HEPACAM2: variants seen among roughly 807,000 people sequenced by gnomAD.
The protein encoded by HEPACAM2 is HEPACAM family member 2.
HEPACAM2 carries 49 observed loss-of-function variants against 49.6 expected under a neutral mutation model. That is an observed-to-expected ratio of 0.99 (90% CI 0.78 to 1.25). The LOEUF (loss-of-function observed/expected upper bound fraction) is 1.25, where lower values mean the gene tolerates loss of function less well. Among genes scored for constraint, HEPACAM2 ranks in the 50% most tolerant of loss-of-function variants. HEPACAM2 has a pLI of 0.00. For synonymous variants in HEPACAM2, 197 were observed against 202.9 expected (o/e 0.97, Z 0.25); for missense variants, 525 against 557.2 (o/e 0.94, Z 0.58).
chr7:93,210,195 T>C lies in HEPACAM2; in HGVS notation c.716-1319A>G, dbSNP rs1193434843. ...AAATCTTTGAGTTTTAGTGCTTATG[T>C]TCACCTTTCAGCTGATCATTACCAA... On this transcript the variant is annotated intron_variant, in intron 3 of 9. Coordinates refer to ENST00000394468, the MANE Select transcript of HEPACAM2 (RefSeq NM_001039372.4). Among the ~76,000 whole-genome samples the C allele has an allele frequency of 2.6e-5, 4 of 152,010 alleles. No homozygotes were observed. The East Asian group carries it at 7.7e-4, about 29-fold the overall frequency.
At chr7:93,197,197 C>A in intron 7 of HEPACAM2, 44 bp downstream of exon 7, 7 of 1,423,226 alleles carry the variant, frequency 4.9e-6, no homozygotes, top group Non-Finnish European at 6.7e-6. Context: ...AACTAATTAA[C>A]ATACATTAAA....
chr7:93,211,962 A>G (rs1374705693), intron 3 of HEPACAM2, among the ~76,000 whole-genome samples: 3 of 152,066 alleles, frequency 2.0e-5, no homozygotes, highest in Non-Finnish European at 4.4e-5. Context: ...GTAATTTAAT[A>G]CACATAAAAA....
At chr7:93,207,341 C>T (rs986019409) in intron 4 of HEPACAM2, among the ~76,000 whole-genome samples, 1 of 152,006 alleles carries the variant, frequency 6.6e-6, no homozygotes, top group African/African-American at 2.4e-5. Context: ...CAAACCTGCT[C>T]CCAGATTTTG....
Position 93,215,590 on chromosome 7 carries a change from T to C in HEPACAM2, c.526A>G (p.Thr176Ala). 1 of 1,613,742 alleles carries C rather than the reference T, an allele frequency of 6.2e-7. No homozygotes were observed. Among genetic ancestry groups the C allele is most frequent in the Non-Finnish European group, 8.5e-7 (1 of 1,179,840 alleles). Residue 176 changes from threonine (T) to alanine (A), a missense_variant, in exon 3 of 10, where the codon ACT becomes GCT. Thr to Ala is a moderately conservative substitution (Grantham distance 58). Coordinates refer to ENST00000394468, the MANE Select transcript of HEPACAM2 (RefSeq NM_001039372.4). The stretch of plus-strand genomic sequence containing the variant: ...TTTAGCCATTGGTAAGCTAGCCGAG[T>C]GCCCCCTTCCACATGGCATGTCAGG... ...MTLTCHVEGG[T>A]RLAYQWLKNG...
At chr7:93,215,742 C>T (rs1298292381) in intron 2 of HEPACAM2, 57 bp from the exon 3 acceptor site, 25 of 1,530,952 alleles carry the variant, frequency 1.6e-5, no homozygotes, top group Non-Finnish European at 2.1e-5. Flanking sequence ...TATAATAAAA[C>T]CCTATGAGGT....
intron 4 of HEPACAM2, among the ~76,000 whole-genome samples, chr7:93,198,122 AAAATT>A (rs1318095123): frequency 6.6e-6 from 1 of 152,166 alleles, no homozygotes; most frequent in African/African-American, 2.4e-5. Context: ...AATGATGAAA[AAAATT>A]AAAAAGAAAA....
At chr7:93,191,157 GTAA>G (rs1414329087) in intron 9 of HEPACAM2, among the ~76,000 whole-genome samples, 2 of 151,880 alleles carry the variant, frequency 1.3e-5, no homozygotes, top group African/African-American at 4.8e-5. Flanking sequence ...AAAATATCAT[GTAA>G]TAATATCCTA....
chr7:93,192,317 T>C lies in HEPACAM2; in HGVS notation c.1322A>G (p.Asp441Gly), dbSNP rs574082166. 6.2e-7 allele frequency: 1 copy of C among 1,612,878 alleles called. No homozygotes were observed. Among genetic ancestry groups the C allele is most frequent in the African/African-American group, 1.3e-5 (1 of 74,948 alleles). ...AACTTCATACACTGTACTGTGCAAA[T>C]CTTGCCCCGATACACAATCAGAGGC... ...VPASDCVSGQ[D>G]LHSTVYEVIQ... The change falls in exon 9 of 10, where the codon GAT (aspartate) becomes GGT (glycine). Residue 441 changes from aspartate to glycine, a missense_variant. Coordinates refer to ENST00000394468, the MANE Select transcript of HEPACAM2 (RefSeq NM_001039372.4).
chr7:93,226,511 A>G (rs1794545594), upstream of HEPACAM2: 12 of 1,218,448 alleles, frequency 9.8e-6, no homozygotes, highest in African/African-American at 3.0e-5. Context: ...TGCTAGGGAA[A>G]TTAGCAGTGA....
chr7:93,228,094 T>C (rs1339220854), upstream of HEPACAM2, among the ~76,000 whole-genome samples: 8 of 152,224 alleles, frequency 5.3e-5, no homozygotes, highest in Non-Finnish European at 1.2e-4. Context: ...CAATTGCCGT[T>C]ATCAAATTAG....
upstream of HEPACAM2, among the ~76,000 whole-genome samples, chr7:93,231,174 T>C (rs1794620099): frequency 6.6e-6 from 1 of 152,214 alleles, no homozygotes; most frequent in Non-Finnish European, 1.5e-5. Context: ...CTACCACCCA[T>C]ACTATTGTTT....
At chr7:93,193,589 A>G (rs1479162525) in intron 8 of HEPACAM2, among the ~76,000 whole-genome samples, 1 of 152,094 alleles carries the variant, frequency 6.6e-6, no homozygotes, top group Admixed American at 6.6e-5. Flanking sequence ...ATACCACACA[A>G]TATGCCAAGA....
intron 9 of HEPACAM2, among the ~76,000 whole-genome samples, chr7:93,191,422 C>A (rs1793542679): frequency 6.6e-6 from 1 of 152,036 alleles, no homozygotes; most frequent in Non-Finnish European, 1.5e-5. Context: ...TTGGTATTTA[C>A]CCAGAAGTGT....
At chr7:93,218,130 G>A (rs1042125923) in intron 2 of HEPACAM2, among the ~76,000 whole-genome samples, 1 of 152,098 alleles carries the variant, frequency 6.6e-6, no homozygotes, top group African/African-American at 2.4e-5. Flanking sequence ...GGCCAGAACC[G>A]AGTGAGTGAG....
rs1793763641 is a variant in HEPACAM2, at chr7:93,197,526, A to C, written c.1097T>G (p.Met366Arg). ...TGISLFLIIS[M>R]CLLFLWKKYQ... The stretch of plus-strand genomic sequence containing the variant: ...TTTTTTCCATAGGAAGAGAAGACAC[A>C]TGGATATAATCAAAAATAGTGATAT... The change falls in exon 5 of 10, where the codon ATG becomes AGG. Residue 366 changes from methionine to arginine, a missense_variant. Met to Arg is a moderately conservative substitution (Grantham distance 91, BLOSUM62 -1). Transcript: ENST00000394468. The C allele has an allele frequency of 6.3e-7, 1 of 1,596,650 alleles. No individual in the cohort carries two copies. Among genetic ancestry groups the C allele is most frequent in the Non-Finnish European group, 8.6e-7 (1 of 1,167,232 alleles).
chr7:93,222,330 A>C (rs1279826004), intron 1 of HEPACAM2, among the ~76,000 whole-genome samples: 2 of 152,112 alleles, frequency 1.3e-5, no homozygotes, highest in Non-Finnish European at 2.9e-5. Flanking sequence ...TAGGCTTAGT[A>C]CCTGTTATTA....
upstream of HEPACAM2, among the ~76,000 whole-genome samples, chr7:93,230,763 C>T (rs542393678): frequency 6.6e-6 from 1 of 152,222 alleles, no homozygotes; most frequent in South Asian, 2.1e-4. Flanking sequence ...TAGACTTGCC[C>T]TAAATGTGAC....
rs549868937 is a variant in HEPACAM2, at chr7:93,200,220, G to T, written c.1013-2610C>A. On this transcript the variant is annotated intron_variant, in intron 4 of 9. Coordinates refer to ENST00000394468, the MANE Select transcript of HEPACAM2 (RefSeq NM_001039372.4). Reference sequence around the variant, plus strand: ...AATCTCCCACTTTGTGATTTTTTTCGGTCAATTTTTGCTATTTATTAGGTG... The same window carrying T: ...AATCTCCCACTTTGTGATTTTTTTCTGTCAATTTTTGCTATTTATTAGGTG... 9.2e-5 allele frequency among the ~76,000 whole-genome samples: 14 copies of T among 151,394 alleles called. 1 individual carries two copies. The highest frequency in any genetic ancestry group is 3.4e-4 in the African/African-American group (14 of 41,282).
At chr7:93,216,370 A>C (rs1274224823) in intron 2 of HEPACAM2, among the ~76,000 whole-genome samples, 1 of 152,206 alleles carries the variant, frequency 6.6e-6, no homozygotes, top group Non-Finnish European at 1.5e-5. Context: ...CTTTTATCAA[A>C]TTAGAGAAAA....
Sources: allele counts gnomAD v4.1 joint callset (sites outside exome capture counted in the v4.1 genomes callset), GRCh38; gene constraint gnomAD v4.1.1; transcripts MANE v1.5; gene names NCBI Gene and HGNC (gene_info 2026-07-23, HGNC 2026-07-21).